The following CLASP1 variants were observed in gnomAD, a reference collection of about 807,000 sequenced individuals.
CLASP1 encodes the protein CLIP-associating protein 1.
A neutral mutation model predicts 192.3 loss-of-function variants in CLASP1; 38 were observed. The observed-to-expected ratio is 0.20, with a 90% confidence interval of 0.15 to 0.26. The LOEUF (loss-of-function observed/expected upper bound fraction) is 0.26. CLASP1 is among the 10% of genes least tolerant of loss of function. The pLI is 1.00. For missense variants in CLASP1, 1,433 were observed against 1,932.5 expected (o/e 0.74, Z 4.85); for synonymous variants, 691 against 712.8 (o/e 0.97, Z 0.49).
At chr2:121,539,041 T>A (rs2095167114) in intron 2 of CLASP1, among the ~76,000 whole-genome samples, 1 of 152,174 alleles carries the variant, frequency 6.6e-6, no homozygotes, top group Admixed American at 6.5e-5. Flanking sequence ...AACGGAAAGA[T>A]AAAACTATAG....
intron 11 of CLASP1, 56 bp downstream of exon 11, chr2:121,461,045 T>C (rs899699052): frequency 4.8e-6 from 5 of 1,036,620 alleles, no homozygotes; most frequent in African/African-American, 1.6e-5. Context: ...AATAAAGTAT[T>C]TGAGATATTT....
intron 2 of CLASP1, among the ~76,000 whole-genome samples, chr2:121,604,510 A>T (rs1286183783): frequency 6.6e-6 from 1 of 152,126 alleles, no homozygotes; most frequent in Non-Finnish European, 1.5e-5. Context: ...CTCTACAAAA[A>T]TACAAAAATT....
chr2:121,469,729 C>A (rs2090326413), intron 9 of CLASP1, 79 bp downstream of exon 9: 1 of 1,439,386 alleles, frequency 6.9e-7, no homozygotes, highest in Non-Finnish European at 9.3e-7. Flanking sequence ...CTGAGGGCCA[C>A]CACAGGCAAG....
chr2:121,629,761 A>G (rs12620991), intron 1 of CLASP1, among the ~76,000 whole-genome samples: 35,078 of 151,980 alleles, frequency 0.23, 6,043 homozygotes, highest in African/African-American at 0.48. Flanking sequence ...ACTGCACTCT[A>G]GCCTGGGCGA....
intron 9 of CLASP1, among the ~76,000 whole-genome samples, chr2:121,465,746 C>T (rs2089433271): frequency 6.6e-6 from 1 of 152,204 alleles, no homozygotes; most frequent in African/African-American, 2.4e-5. Flanking sequence ...AAGCTGGAGG[C>T]ATCACGCTAC....
chr2:121,398,454 T>C, intron 28 of CLASP1, 54 bp from the exon 30 acceptor site: 1 of 1,198,884 alleles, frequency 8.3e-7, no homozygotes, highest in East Asian at 2.5e-5. Flanking sequence ...TACAAAACAA[T>C]GTAAAACTAT....
At chr2:121,529,955 A>G (rs2094713622) in intron 3 of CLASP1, among the ~76,000 whole-genome samples, 1 of 152,210 alleles carries the variant, frequency 6.6e-6, no homozygotes, top group South Asian at 2.1e-4. Flanking sequence ...TCCGTGTGAG[A>G]ACACAGTGAA....
chr2:121,508,717 G>A (rs2094020635), intron 7 of CLASP1, among the ~76,000 whole-genome samples: 1 of 151,956 alleles, frequency 6.6e-6, no homozygotes, highest in Non-Finnish European at 1.5e-5. Context: ...CTGGAACTGG[G>A]GGTACATGCC....
In CLASP1 at chr2:121,457,458, TACACACAC is replaced by T. The variant is rs112547655; in HGVS notation, c.1385+221_1385+228del. Among the ~76,000 whole-genome samples the T allele has an allele frequency of 2.1e-5, 3 of 143,552 alleles. No individual in the cohort carries two copies. The East Asian group carries it at 6.1e-4, about 29-fold the overall frequency. 94.2% of individuals were successfully genotyped at this position (143,552 alleles called of 152,430 possible). A position where few individuals can be genotyped will look rare whatever the true frequency, so the allele number is the denominator to read the frequency against. On this transcript the variant is annotated intron_variant, in intron 14 of 39. Transcript: ENST00000263710. ...AAACTCACTTTCTCTCACACAGACATACACACACACACACACACACACACACACACAGA... is the reference window on the plus strand; with the variant it reads ...AAACTCACTTTCTCTCACACAGACATACACACACACACACACACACACAGA...
chr2:121,608,430 C>T (rs1339946724), intron 1 of CLASP1, among the ~76,000 whole-genome samples: 2 of 152,148 alleles, frequency 1.3e-5, no homozygotes, highest in African/African-American at 2.4e-5. Context: ...ACTTGCTATA[C>T]AAGCAATGGA....
intron 39 of CLASP1, among the ~76,000 whole-genome samples, chr2:121,345,316 A>C (rs1399336248): frequency 6.6e-6 from 1 of 152,160 alleles, no homozygotes; most frequent in Non-Finnish European, 1.5e-5. Context: ...CTTCACCAAG[A>C]GTGGCAGCAG....
At chr2:121,497,698 G>A (rs1000917613) in intron 8 of CLASP1, among the ~76,000 whole-genome samples, 2 of 151,910 alleles carry the variant, frequency 1.3e-5, no homozygotes, top group Non-Finnish European at 2.9e-5. Context: ...ACTAGGAGGA[G>A]GTCAGACCCA....
intron 2 of CLASP1, among the ~76,000 whole-genome samples, chr2:121,581,863 C>T (rs1011036163): frequency 8.5e-5 from 13 of 152,100 alleles, no homozygotes; most frequent in African/African-American, 1.4e-4. Context: ...CCCAACTGGA[C>T]GACAAAGCGA....
chr2:121,531,003 GA>G (rs542752836), intron 2 of CLASP1: 1 of 700,070 alleles, frequency 1.4e-6, no homozygotes, highest in Non-Finnish European at 2.6e-6. Flanking sequence ...GCAATTTTTG[GA>G]AAAATGAAAA....
chr2:121,408,832 T>G (rs2077282004), intron 24 of CLASP1, among the ~76,000 whole-genome samples: 1 of 152,112 alleles, frequency 6.6e-6, no homozygotes, highest in Non-Finnish European at 1.5e-5. Context: ...CTAAAACAGA[T>G]GTACATGAAA....
chr2:121,630,584 C>G (rs2069345481), intron 1 of CLASP1, among the ~76,000 whole-genome samples: 1 of 152,184 alleles, frequency 6.6e-6, no homozygotes, highest in Non-Finnish European at 1.5e-5. Context: ...TGAGAAGAGG[C>G]CGGGCATGGT....
At chr2:121,501,235 T>A (rs543490729) in intron 8 of CLASP1, among the ~76,000 whole-genome samples, 1 of 152,276 alleles carries the variant, frequency 6.6e-6, no homozygotes, top group African/African-American at 2.4e-5. Flanking sequence ...TCTGTCCTAG[T>A]GCCAACAATT....
intron 19 of CLASP1, among the ~76,000 whole-genome samples, chr2:121,438,619 T>A (rs1246559642): frequency 1.3e-5 from 2 of 152,182 alleles, no homozygotes; most frequent in African/African-American, 4.8e-5. Flanking sequence ...TCTGTTTATA[T>A]GCTGGATTAC....
chr2:121,467,037 A>T (rs1369944560), intron 9 of CLASP1, among the ~76,000 whole-genome samples: 1 of 152,152 alleles, frequency 6.6e-6, no homozygotes, highest in East Asian at 1.9e-4. Context: ...TGTTCTCATC[A>T]TTCAGCTCCC....
Sources: allele counts gnomAD v4.1 joint callset (sites outside exome capture counted in the v4.1 genomes callset), GRCh38; gene constraint gnomAD v4.1.1; transcripts MANE v1.5; gene names NCBI Gene and HGNC (gene_info 2026-07-23, HGNC 2026-07-21).